AGPAT4: variants seen among roughly 807,000 people sequenced by gnomAD.
The protein encoded by AGPAT4 is 1-acyl-sn-glycerol-3-phosphate acyltransferase delta.
AGPAT4 carries 15 observed loss-of-function variants against 48.0 expected under a neutral mutation model. The ratio of observed to expected loss-of-function variants is 0.31; its 90% CI spans 0.21 to 0.48. The LOEUF (loss-of-function observed/expected upper bound fraction) is 0.48. Ranked by LOEUF, AGPAT4 falls within the 20% of genes least tolerant of loss-of-function variation. The pLI, the probability that AGPAT4 is intolerant of heterozygous loss-of-function variation, is 0.99. For missense variants in AGPAT4, 314 were observed against 482.5 expected, an observed-to-expected ratio of 0.65 and a Z score of 3.27; for synonymous variants, 178 against 198.7, an observed-to-expected ratio of 0.90 and a Z score of 0.88.
Position 161,144,842 on chromosome 6 carries a change from A to G in AGPAT4, c.843+1682T>C, listed in dbSNP as rs763940189. ...AAACATACAAAAAAATTAGCCGGGC[A>G]TGGTGGCGGGTGCCTGTAGTCCCAG... On this transcript the variant is annotated intron_variant, in intron 7 of 8. Transcript: ENST00000320285. The surrounding 1 kb of genome is among the most constrained non-coding windows in gnomAD (Gnocchi z 6.6). Among the ~76,000 whole-genome samples the G allele has an allele frequency of 3.3e-5, 5 of 152,056 alleles. No homozygotes were observed. The highest frequency in any genetic ancestry group is 4.8e-5 in the African/African-American group (2 of 41,376).
chr6:161,139,640 A>C lies in AGPAT4; in HGVS notation c.844-20T>G. ...GGCATCCTGGGGGACAGGAAAGAGG[A>C]CCCTCAGACGCCACACGGGGCTCGG... On this transcript the variant is annotated intron_variant, in intron 7 of 8. Transcript: ENST00000320285. This position sits in a 1 kb window ranked among gnomAD's most constrained non-coding sequence, Gnocchi z 9.1. 6.4e-7 allele frequency: 1 copy of C among 1,568,334 alleles called. No individual in the cohort carries two copies.
chr6:161,180,256 G>A lies in AGPAT4; in HGVS notation c.179-13839C>T, dbSNP rs567531099. ...TCCCCAAGGCTCCTGCTCCTTCCTC[G>A]CTCCAGTGGGTGGGCCCAGCTCCTC... On this transcript the variant is annotated intron_variant, in intron 2 of 8. Coordinates refer to ENST00000320285, the MANE Select transcript of AGPAT4 (RefSeq NM_020133.3). The surrounding 1 kb of genome is among the most constrained non-coding windows in gnomAD (Gnocchi z 6.4). Among the ~76,000 whole-genome samples the A allele has an allele frequency of 2.7e-4, 41 of 152,208 alleles. No homozygotes were observed. Among genetic ancestry groups the A allele is most frequent in the Admixed American group, 3.9e-4 (6 of 15,292 alleles).
At chr6:161,191,592 G>T (rs761163568) in intron 2 of AGPAT4, among the ~76,000 whole-genome samples, 6 of 152,198 alleles carry the variant, frequency 3.9e-5, no homozygotes, top group Non-Finnish European at 8.8e-5. Context: ...CAGGACTAAA[G>T]ATGTATACAT....
chr6:161,219,200 A>G lies in AGPAT4; in HGVS notation c.178+12836T>C, dbSNP rs1781734538. Among the ~76,000 whole-genome samples the G allele has an allele frequency of 6.6e-6, 1 of 152,196 alleles. No homozygotes were observed. The highest frequency in any genetic ancestry group is 1.5e-5 in the Non-Finnish European group (1 of 68,034). On this transcript the variant is annotated intron_variant, in intron 2 of 8. Coordinates refer to ENST00000320285, the MANE Select transcript of AGPAT4 (RefSeq NM_020133.3). This position sits in a 1 kb window ranked among gnomAD's most constrained non-coding sequence, Gnocchi z 4.9. Reference sequence around the variant, plus strand: ...TAAATTCTATCTCCAGTATGGTGAAACCAAAACCCATAGCTAAGGCAGTGG... The same window carrying G: ...TAAATTCTATCTCCAGTATGGTGAAGCCAAAACCCATAGCTAAGGCAGTGG...
rs1238565584 is a variant in AGPAT4, at chr6:161,236,514, C to G, written c.-89-4212G>C. ...GAGGCCAAATTCTACTGGGAATTCT[C>G]TTTCAACAGGTTCACACAAAGAAAT... On this transcript the variant is annotated intron_variant, in intron 1 of 8. Transcript: ENST00000320285. This position sits in a 1 kb window ranked among gnomAD's most constrained non-coding sequence, Gnocchi z 5.0. Among the ~76,000 whole-genome samples, 2 of 152,120 alleles carry G rather than the reference C, an allele frequency of 1.3e-5. No individual in the cohort carries two copies. The highest frequency in any genetic ancestry group is 4.8e-5 in the African/African-American group (2 of 41,428).
In AGPAT4 at chr6:161,221,692, G is replaced by A. The variant is rs1169803910; in HGVS notation, c.178+10344C>T. Among the ~76,000 whole-genome samples, 1 of 152,172 alleles carries A rather than the reference G, an allele frequency of 6.6e-6. No individual in the cohort carries two copies. The highest frequency in any genetic ancestry group is 1.5e-5 in the Non-Finnish European group (1 of 68,032). On this transcript the variant is annotated intron_variant, in intron 2 of 8. Transcript: ENST00000320285. The surrounding 1 kb of genome is among the most constrained non-coding windows in gnomAD (Gnocchi z 4.5). ...TGGATTCCAGGAACCTCAGATCGGG[G>A]TGTTAGCAGGGTTGGTTCCTTCTGA...
intron 1 of AGPAT4, among the ~76,000 whole-genome samples, chr6:161,256,472 G>C (rs1278950877): frequency 6.6e-6 from 1 of 152,246 alleles, no homozygotes; most frequent in Non-Finnish European, 1.5e-5. Flanking sequence ...CACCAGCGCT[G>C]CTCTCTGCCG....
intron 7 of AGPAT4, among the ~76,000 whole-genome samples, chr6:161,145,589 G>A (rs181405636): frequency 3.3e-5 from 5 of 151,782 alleles, no homozygotes; most frequent in Admixed American, 2.0e-4. Flanking sequence ...CATCATACTA[G>A]AGTCTGTTAA....
At chr6:161,156,301 C>T (rs553554705) in intron 3 of AGPAT4, among the ~76,000 whole-genome samples, 10 of 152,338 alleles carry the variant, frequency 6.6e-5, no homozygotes, top group African/African-American at 1.9e-4. Context: ...CGTCCTGTGG[C>T]CACACAGCCT....
At position 161,139,628 on chromosome 6, in the gene AGPAT4, A is replaced by T; in HGVS notation, c.844-8T>A. 1.3e-6 allele frequency: 2 copies of T among 1,592,682 alleles called. No homozygotes were observed. The highest frequency in any genetic ancestry group is 8.6e-7 in the Non-Finnish European group (1 of 1,165,138). On this transcript the variant is annotated splice_region_variant and splice_polypyrimidine_tract_variant and intron_variant, in intron 7 of 8. Transcript: ENST00000320285. This position sits in a 1 kb window ranked among gnomAD's most constrained non-coding sequence, Gnocchi z 9.1. Reference sequence around the variant, plus strand: ...CTCCTCCTGAAAGGCATCCTGGGGGACAGGAAAGAGGACCCTCAGACGCCA... The same window carrying T: ...CTCCTCCTGAAAGGCATCCTGGGGGTCAGGAAAGAGGACCCTCAGACGCCA...
rs1198835066 is a variant in AGPAT4, at chr6:161,155,233, G to T, written c.349-923C>A. The stretch of plus-strand genomic sequence containing the variant: ...TACACTGAGGAAGACCAGGGCTTCA[G>T]TGGGATGGACGGGGCAGTGGAGACA... On this transcript the variant is annotated intron_variant, in intron 3 of 8. Transcript: ENST00000320285. The surrounding 1 kb of genome is among the most constrained non-coding windows in gnomAD (Gnocchi z 5.8). Among the ~76,000 whole-genome samples, 1 of 152,226 alleles carries T rather than the reference G, an allele frequency of 6.6e-6. No homozygotes were observed. Among genetic ancestry groups the T allele is most frequent in the African/African-American group, 2.4e-5 (1 of 41,470 alleles).
chr6:161,182,332 C>A (rs1780623470), intron 2 of AGPAT4, among the ~76,000 whole-genome samples: 2 of 146,542 alleles, frequency 1.4e-5, no homozygotes, highest in East Asian at 4.1e-4. Context: ...TGCATCCCAG[C>A]CTCTCATCCT....
In AGPAT4 at chr6:161,223,202, G is replaced by C. The variant is rs1482090047; in HGVS notation, c.178+8834C>G. Among the ~76,000 whole-genome samples, 1 of 152,126 alleles carries C rather than the reference G, an allele frequency of 6.6e-6. No homozygotes were observed. The highest frequency in any genetic ancestry group is 2.4e-5 in the African/African-American group (1 of 41,416). On this transcript the variant is annotated intron_variant, in intron 2 of 8. Transcript: ENST00000320285. This position sits in a 1 kb window ranked among gnomAD's most constrained non-coding sequence, Gnocchi z 6.3. ...GCACCCCTCTCATCTCTGTTCTCCAGGTGCTGACCCCAGTGCCTGGCCCCC... is the reference window on the plus strand; with the variant it reads ...GCACCCCTCTCATCTCTGTTCTCCACGTGCTGACCCCAGTGCCTGGCCCCC...
At position 161,178,918 on chromosome 6, in the gene AGPAT4, T is replaced by C. The variant is rs978384891; in HGVS notation, c.179-12501A>G. On this transcript the variant is annotated intron_variant, in intron 2 of 8. Transcript: ENST00000320285. This position sits in a 1 kb window ranked among gnomAD's most constrained non-coding sequence, Gnocchi z 5.1. ...TGCAGCCACATCTGGCTTTGACCAG[T>C]TGCTGCTGCCTGTTCTACAAACCCC... is the stretch of plus-strand genomic sequence containing the variant. Among the ~76,000 whole-genome samples the C allele has an allele frequency of 3.3e-5, 5 of 152,180 alleles. No individual in the cohort carries two copies. Among genetic ancestry groups the C allele is most frequent in the African/African-American group, 1.2e-4 (5 of 41,430 alleles).
rs78895011 is a variant in AGPAT4, at chr6:161,158,835, G to C, written c.349-4525C>G. ...CCGGTGCTGCGAGCAGCATGGCTGG[G>C]AGCAGCAGGGTATCCTGCTCCTGCA... On this transcript the variant is annotated intron_variant, in intron 3 of 8. Transcript: ENST00000320285. The surrounding 1 kb of genome is among the most constrained non-coding windows in gnomAD (Gnocchi z 5.3). 6.6e-6 allele frequency among the ~76,000 whole-genome samples: 1 copy of C among 152,142 alleles called. No individual in the cohort carries two copies. The highest frequency in any genetic ancestry group is 1.5e-5 in the Non-Finnish European group (1 of 68,030).
Position 161,170,119 on chromosome 6 carries a change from G to A in AGPAT4, c.179-3702C>T, listed in dbSNP as rs549935214. Reference sequence around the variant, plus strand: ...TGCAAGTTTTAGCCCATTCTCATGAGGCTCCCGCTTGTGCTTGGTGGTTCC... The same window carrying A: ...TGCAAGTTTTAGCCCATTCTCATGAAGCTCCCGCTTGTGCTTGGTGGTTCC... On this transcript the variant is annotated intron_variant, in intron 2 of 8. Transcript: ENST00000320285. Among the ~76,000 whole-genome samples, 11 of 152,242 alleles carry A rather than the reference G, an allele frequency of 7.2e-5. No homozygotes were observed. In the East Asian group the frequency reaches 2.1e-3, roughly 29 times the overall value.
chr6:161,155,165 G>A lies in AGPAT4; in HGVS notation c.349-855C>T, dbSNP rs1209608739. ...GGGCAGTCCTGGGTCCCCAGGGCTC[G>A]GTGTGGCCCTCCCCAGCCAGGCGTC... On this transcript the variant is annotated intron_variant, in intron 3 of 8. Coordinates refer to ENST00000320285, the MANE Select transcript of AGPAT4 (RefSeq NM_020133.3). This position sits in a 1 kb window ranked among gnomAD's most constrained non-coding sequence, Gnocchi z 5.8. Among the ~76,000 whole-genome samples, 3 of 152,168 alleles carry A rather than the reference G, an allele frequency of 2.0e-5. No homozygotes were observed. Among genetic ancestry groups the A allele is most frequent in the Non-Finnish European group, 4.4e-5 (3 of 68,022 alleles).
At chr6:161,252,213 T>A (rs1301714531) in intron 1 of AGPAT4, among the ~76,000 whole-genome samples, 1 of 152,178 alleles carries the variant, frequency 6.6e-6, no homozygotes, top group Non-Finnish European at 1.5e-5. Context: ...TGGCAGTCAG[T>A]GACTCGTTTC....
rs9458154 is a variant in AGPAT4, at chr6:161,214,493, T to C, written c.178+17543A>G. Among the ~76,000 whole-genome samples, 104,831 of 152,102 alleles carry C rather than the reference T, an allele frequency of 0.69. 37,327 individuals are homozygous for C. The highest frequency in any genetic ancestry group is 0.87 in the African/African-American group (36,070 of 41,508). On this transcript the variant is annotated intron_variant, in intron 2 of 8. Coordinates refer to ENST00000320285, the MANE Select transcript of AGPAT4 (RefSeq NM_020133.3). This position sits in a 1 kb window ranked among gnomAD's most constrained non-coding sequence, Gnocchi z 5.4. ...GTGTATCTAAACATAGGGCTGGGCA[T>C]GGTGGCTCATGCCTGTAATCCCAGC...
Sources: allele counts gnomAD v4.1 joint callset (sites outside exome capture counted in the v4.1 genomes callset), GRCh38; gene constraint gnomAD v4.1.1; non-coding constraint Gnocchi (gnomAD v3.1); transcripts MANE v1.5; gene names NCBI Gene and HGNC (gene_info 2026-07-23, HGNC 2026-07-21).